Variants in COL6A5 observed in about 807,000 individuals in gnomAD.
COL6A5 encodes collagen alpha-5(VI) chain.
COL6A5 carries 48 observed loss-of-function variants against 65.6 expected under a neutral mutation model. The observed-to-expected ratio is 0.73, with a 90% CI of 0.58 to 0.93. The LOEUF (loss-of-function observed/expected upper bound fraction) is 0.93. Among genes scored for constraint, COL6A5 ranks in the 40% least tolerant of loss-of-function variants. COL6A5 has a pLI of 0.00. For missense variants in COL6A5, 914 were observed against 928.3 expected (o/e 0.98, Z 0.20); for synonymous variants, 291 against 322.8 (o/e 0.90, Z 1.05).
At chr3:130,379,491 C>T (rs575767426) in exon 4 of COL6A5, 43 of 1,551,184 alleles carry the variant, frequency 2.8e-5, no homozygotes, top group Admixed American at 1.6e-4. Context: ...CACTTGGGAC[C>T]GGAGGAAATT....
chr3:130,444,434 A>G (rs1289736201), intron 4 of COL6A5, among the ~76,000 whole-genome samples: 2 of 152,070 alleles, frequency 1.3e-5, no homozygotes, highest in African/African-American at 4.8e-5. Flanking sequence ...AAAGACAGGC[A>G]TGAGAAATGA....
chr3:130,415,616 G>A (rs1364559781), intron 22 of COL6A5, 29 bp from the exon 23 acceptor site: 2 of 1,525,224 alleles, frequency 1.3e-6, no homozygotes, highest in Non-Finnish European at 1.8e-6. Flanking sequence ...TGACATAATT[G>A]CATTGTATTT....
intron 12 of COL6A5, 64 bp downstream of exon 12, chr3:130,401,918 A>C: frequency 8.4e-7 from 1 of 1,191,118 alleles, no homozygotes; most frequent in Admixed American, 2.0e-5. Flanking sequence ...TGGGACTGAG[A>C]CTGAGTGGTT....
chr3:130,421,698 G>T (rs562160744), intron 27 of COL6A5, among the ~76,000 whole-genome samples: 1 of 151,906 alleles, frequency 6.6e-6, no homozygotes, highest in South Asian at 2.1e-4. Context: ...TCATTATTGT[G>T]CCCTTTATTT....
chr3:130,419,995 A>T (rs996007372), intron 25 of COL6A5, among the ~76,000 whole-genome samples: 3 of 152,110 alleles, frequency 2.0e-5, no homozygotes. Flanking sequence ...TACACCCACA[A>T]TCCATTGCCT....
intron 7 of COL6A5, among the ~76,000 whole-genome samples, chr3:130,475,054 A>G (rs1710060277): frequency 6.7e-6 from 1 of 149,198 alleles, no homozygotes; most frequent in Admixed American, 6.7e-5. Context: ...AAAGAAAAAG[A>G]GTCAATGAAC....
At chr3:130,405,384 G>T (rs1255119805) in intron 13 of COL6A5, among the ~76,000 whole-genome samples, 4 of 152,164 alleles carry the variant, frequency 2.6e-5, no homozygotes, top group Non-Finnish European at 4.4e-5. Context: ...AGCCCTGAAG[G>T]TTGACAGGAA....
At chr3:130,423,090 C>T (rs992180216) in intron 28 of COL6A5, among the ~76,000 whole-genome samples, 11 of 151,924 alleles carry the variant, frequency 7.2e-5, no homozygotes, top group Non-Finnish European at 1.2e-4. Context: ...TTTTCTAAGG[C>T]GCGTATTAAA....
chr3:130,472,858 T>TATATATATATAC lies in COL6A5; in HGVS notation c.2328+1892_2328+1893insTATATATATACA, dbSNP rs1198559167. ...ATATATATATATATATATATATATA[T>TATATATATATAC]ACACATTTATAAATATAGATATAGT... On this transcript the variant is annotated intron_variant, in intron 7 of 7. Transcript: ENST00000512836. Among the ~76,000 whole-genome samples the TATATATATATAC allele has an allele frequency of 9.0e-4, 128 of 141,834 alleles. 3 individuals are homozygous for TATATATATATAC. Among genetic ancestry groups the TATATATATATAC allele is most frequent in the Middle Eastern group, 3.8e-3 (1 of 262 alleles). The allele number at this position is 141,834 out of a possible 152,430, so 93.0% of individuals were successfully genotyped here.
Position 130,379,410 on chromosome 3 carries a change from C to G in COL6A5, c.668-8C>G, listed in dbSNP as rs779119525. ...ATACTAATCCTCACACATTTTCTGTCTGCATAGTTCACTTCCCCATATCCT... is the reference window on the plus strand; with the variant it reads ...ATACTAATCCTCACACATTTTCTGTGTGCATAGTTCACTTCCCCATATCCT... On this transcript the variant is annotated splice_region_variant and splice_polypyrimidine_tract_variant and intron_variant and NMD_transcript_variant, in intron 3 of 41. Transcript: ENST00000312481. 1.2e-4 allele frequency: 181 copies of G among 1,546,442 alleles called. No individual in the cohort carries two copies. The highest frequency in any genetic ancestry group is 1.5e-4 in the Non-Finnish European group (173 of 1,144,098).
At chr3:130,417,613 G>A (rs1266730377) in intron 24 of COL6A5, among the ~76,000 whole-genome samples, 1 of 152,130 alleles carries the variant, frequency 6.6e-6, no homozygotes, top group African/African-American at 2.4e-5. Context: ...TGGTGCATGT[G>A]GTTCTCGAAC....
At chr3:130,481,025 G>A (rs937467353) in intron 7 of COL6A5, among the ~76,000 whole-genome samples, 3 of 151,990 alleles carry the variant, frequency 2.0e-5, no homozygotes, top group Non-Finnish European at 1.5e-5. Context: ...TGAGGCAAGA[G>A]GGTTAGGCTT....
At chr3:130,348,895 G>GTTTTTGGCCACATATCTTCTT (rs1474313374) in intron 1 of COL6A5, among the ~76,000 whole-genome samples, 88 of 151,410 alleles carry the variant, frequency 5.8e-4, no homozygotes, top group African/African-American at 2.1e-3. Context: ...TTTTTTTTAT[G>GTTTTTGGCCACATATCTTCTT]TTTTTGGCCA....
chr3:130,363,069 T>C (rs1029176545), intron 1 of COL6A5, among the ~76,000 whole-genome samples: 9 of 152,190 alleles, frequency 5.9e-5, no homozygotes, highest in Non-Finnish European at 7.4e-5. Context: ...TTTGTTGCCT[T>C]TGTTTTTTGT....
intron 1 of COL6A5, among the ~76,000 whole-genome samples, chr3:130,367,951 A>G (rs186565407): frequency 6.6e-6 from 1 of 152,326 alleles, no homozygotes; most frequent in East Asian, 1.9e-4. Context: ...ATTGGAATGA[A>G]GTTTTTTCTA....
intron 1 of COL6A5, among the ~76,000 whole-genome samples, chr3:130,364,811 AGCAGGTCTGGTATCCAG>A (rs1203624959): frequency 2.6e-5 from 4 of 152,244 alleles, no homozygotes; most frequent in Admixed American, 1.3e-4. Flanking sequence ...TGGATATCCC[AGCAGGTCTGGTATCCAG>A]GCATTTTCAA....
exon 6 of COL6A5, chr3:130,469,129 A>C: frequency 6.2e-7 from 1 of 1,613,094 alleles, no homozygotes; most frequent in Non-Finnish European, 8.5e-7. Flanking sequence ...ATCATCTCCA[A>C]GACTCTCAAC....
At chr3:130,439,072 C>T (rs781764387) in intron 1 of COL6A5, among the ~76,000 whole-genome samples, 3 of 152,078 alleles carry the variant, frequency 2.0e-5, no homozygotes, top group East Asian at 1.9e-4. Flanking sequence ...TCACTACCCA[C>T]GGAGGCCAAA....
At chr3:130,465,586 G>C (rs749081115) in intron 5 of COL6A5, among the ~76,000 whole-genome samples, 4 of 152,038 alleles carry the variant, frequency 2.6e-5, no homozygotes, top group Non-Finnish European at 5.9e-5. Context: ...GATCCAAAAG[G>C]ATCAGACTCT....
Sources: allele counts gnomAD v4.1 joint callset (sites outside exome capture counted in the v4.1 genomes callset), GRCh38; gene constraint gnomAD v4.1.1; transcripts MANE v1.5; gene names NCBI Gene and HGNC (gene_info 2026-07-23, HGNC 2026-07-21).